Variants in CNTN4 observed in about 807,000 individuals in gnomAD.
The protein encoded by CNTN4 is contactin 4, also known as contactin-4.
A neutral mutation model predicts 122.5 loss-of-function variants in CNTN4; 77 were observed. The ratio of observed to expected loss-of-function variants is 0.63; its 90% CI spans 0.52 to 0.76. The LOEUF (loss-of-function observed/expected upper bound fraction) is 0.76. Among genes scored for constraint, CNTN4 ranks in the 30% least tolerant of loss-of-function variants. The probability of loss-of-function intolerance (pLI) is 0.00; values close to 1 mark genes in which losing one functional copy is unlikely to be tolerated. For synonymous variants in CNTN4, 512 were observed against 447.0 expected (o/e 1.15, Z -1.83); for missense variants, 1,256 against 1,259.1 (o/e 1.00, Z 0.04).
intron 4 of CNTN4, among the ~76,000 whole-genome samples, chr3:2,719,425 G>A (rs1437154942): frequency 1.3e-5 from 2 of 151,912 alleles, no homozygotes; most frequent in Admixed American, 1.3e-4. Flanking sequence ...CTCCCAAGTA[G>A]CTGGGACTGC....
intron 2 of CNTN4, among the ~76,000 whole-genome samples, chr3:2,252,485 C>A (rs867329838): frequency 6.6e-6 from 1 of 151,834 alleles, no homozygotes; most frequent in Admixed American, 6.6e-5. Context: ...TTTGCACTTC[C>A]ATTGACTATG....
intron 4 of CNTN4, among the ~76,000 whole-genome samples, chr3:2,726,125 T>C (rs2088204254): frequency 6.6e-6 from 1 of 152,202 alleles, no homozygotes; most frequent in South Asian, 2.1e-4. Context: ...TTTGGCTTCA[T>C]TCTCTTTTTA....
intron 2 of CNTN4, among the ~76,000 whole-genome samples, chr3:2,278,077 A>C (rs1328481055): frequency 2.6e-5 from 4 of 152,156 alleles, no homozygotes; most frequent in Non-Finnish European, 5.9e-5. Flanking sequence ...CTAATGGGGC[A>C]CTTCTCAGCT....
intron 13 of CNTN4, among the ~76,000 whole-genome samples, chr3:2,979,406 T>C (rs1338697129): frequency 6.6e-6 from 1 of 152,148 alleles, no homozygotes; most frequent in Admixed American, 6.5e-5. Flanking sequence ...TAAACCATCT[T>C]AGAAAAATGG....
At position 2,896,937 on chromosome 3, in the gene CNTN4, T is replaced by G. The variant is rs937646543; in HGVS notation, c.941-3748T>G. On this transcript the variant is annotated intron_variant, in intron 10 of 24. Transcript: ENST00000418658. ...TGTAATAGTAATTTAGAGGGTTTTT[T>G]TTTTTTTTTTTTGCTATCACATCCT... Among the ~76,000 whole-genome samples the G allele has an allele frequency of 1.7e-3, 253 of 151,824 alleles. 1 individual carries two copies. The highest frequency in any genetic ancestry group is 2.4e-3 in the Non-Finnish European group (162 of 67,936).
At chr3:2,584,697 C>CAAAAAAAAAAAAAAA (rs67755648) in intron 4 of CNTN4, among the ~76,000 whole-genome samples, 3 of 73,158 alleles carry the variant, frequency 4.1e-5, no homozygotes, top group African/African-American at 5.8e-5. Context: ...AACTCCGTCT[C>CAAAAAAAAAAAAAAA]AAAAAAAAAA....
chr3:2,870,782 A>G (rs1248647018), intron 8 of CNTN4, among the ~76,000 whole-genome samples: 1 of 152,228 alleles, frequency 6.6e-6, no homozygotes, highest in Non-Finnish European at 1.5e-5. Flanking sequence ...TGTAGCTGGC[A>G]GAACTGTATT....
chr3:2,784,576 C>T (rs932787299), intron 6 of CNTN4, among the ~76,000 whole-genome samples: 10 of 152,146 alleles, frequency 6.6e-5, no homozygotes, highest in Non-Finnish European at 1.2e-4. Context: ...AAAGAAAGAT[C>T]ATGTGATGAA....
At chr3:2,824,422 A>G (rs1576945963) in intron 7 of CNTN4, among the ~76,000 whole-genome samples, 1 of 151,672 alleles carries the variant, frequency 6.6e-6, no homozygotes, top group Admixed American at 6.6e-5. Flanking sequence ...GCGCCACTGC[A>G]CTCCAGCCTG....
intron 4 of CNTN4, among the ~76,000 whole-genome samples, chr3:2,650,859 C>T (rs868610174): frequency 6.6e-6 from 1 of 152,130 alleles, no homozygotes; most frequent in Non-Finnish European, 1.5e-5. Context: ...AAAAAACTTG[C>T]GTGGCTCATT....
intron 3 of CNTN4, among the ~76,000 whole-genome samples, chr3:2,495,531 G>T (rs1195530133): frequency 6.6e-6 from 1 of 152,206 alleles, no homozygotes; most frequent in African/African-American, 2.4e-5. Context: ...TTACCTGTCT[G>T]TGGCCTGTTA....
chr3:2,900,441 T>C (rs1353602501), intron 10 of CNTN4, among the ~76,000 whole-genome samples: 1 of 152,184 alleles, frequency 6.6e-6, no homozygotes, highest in Non-Finnish European at 1.5e-5. Flanking sequence ...TTTTGCCATA[T>C]GGATATTGGT....
intron 4 of CNTN4, among the ~76,000 whole-genome samples, chr3:2,723,642 G>T (rs2088009140): frequency 6.6e-6 from 1 of 152,182 alleles, no homozygotes; most frequent in African/African-American, 2.4e-5. Context: ...TGAGGGAGGA[G>T]TCCTCATGAC....
chr3:3,032,191 C>G (rs934078135), intron 16 of CNTN4, among the ~76,000 whole-genome samples: 6 of 152,180 alleles, frequency 3.9e-5, no homozygotes, highest in African/African-American at 1.4e-4. Flanking sequence ...CACAGAATAA[C>G]TTATAGAAAT....
At chr3:2,168,142 G>A (rs1421631715) in intron 2 of CNTN4, among the ~76,000 whole-genome samples, 1 of 152,070 alleles carries the variant, frequency 6.6e-6, no homozygotes, top group Non-Finnish European at 1.5e-5. Flanking sequence ...TGCCTCCATG[G>A]TTGGAAAGTT....
chr3:2,891,501 G>T (rs541008564), intron 10 of CNTN4, among the ~76,000 whole-genome samples: 136 of 152,280 alleles, frequency 8.9e-4, no homozygotes, highest in African/African-American at 3.2e-3. Context: ...GAGAGCAAGA[G>T]AAAGATTTCA....
chr3:2,563,822 T>C (rs966444464), intron 3 of CNTN4, among the ~76,000 whole-genome samples: 1 of 152,066 alleles, frequency 6.6e-6, no homozygotes, highest in Non-Finnish European at 1.5e-5. Flanking sequence ...ATTGAAAGCA[T>C]TAGCTATGAT....
intron 4 of CNTN4, among the ~76,000 whole-genome samples, chr3:2,718,522 A>G (rs1297548949): frequency 1.3e-5 from 2 of 152,208 alleles, no homozygotes; most frequent in Non-Finnish European, 2.9e-5. Flanking sequence ...CATTTGAGAT[A>G]GTCATTACCC....
chr3:2,709,857 G>A lies in CNTN4; in HGVS notation c.56-26358G>A, dbSNP rs563356128. On this transcript the variant is annotated intron_variant, in intron 4 of 24. Coordinates refer to ENST00000418658, the MANE Select transcript of CNTN4 (RefSeq NM_175607.3). The surrounding 1 kb of genome is among the most constrained non-coding windows in gnomAD (Gnocchi z 5.0). The stretch of plus-strand genomic sequence containing the variant: ...GAGTCCAGCAGTGAGCTGAGACTGC[G>A]CCACTGCACTCCAGCCTGGGTGACA... Among the ~76,000 whole-genome samples, 71 of 152,050 alleles carry A rather than the reference G, an allele frequency of 4.7e-4. No homozygotes were observed. Among genetic ancestry groups the A allele is most frequent in the South Asian group, 8.3e-4 (4 of 4,824 alleles).
Sources: gnomAD v4.1 joint callset for allele counts (sites outside exome capture counted in the v4.1 genomes callset) on GRCh38, gnomAD v4.1.1 for gene constraint, Gnocchi (gnomAD v3.1) non-coding constraint, MANE v1.5 for transcripts, NCBI Gene and HGNC (gene_info 2026-07-23, HGNC 2026-07-21) for gene names.